Variants in DAAM1 observed in about 807,000 individuals in gnomAD.
The protein encoded by DAAM1 is disheveled-associated activator of morphogenesis 1.
In DAAM1, 52 loss-of-function variants were observed where a neutral mutation model predicts 130.0. That is an observed-to-expected ratio of 0.40 (90% CI 0.32 to 0.50). The LOEUF (loss-of-function observed/expected upper bound fraction) is 0.50, where lower values mean the gene tolerates loss of function less well. Ranked by LOEUF, DAAM1 falls within the 20% of genes least tolerant of loss-of-function variation. The pLI is 0.61. For synonymous variants in DAAM1, 452 were observed against 444.5 expected (o/e 1.02, Z -0.21); for missense variants, 1,134 against 1,303.8 (o/e 0.87, Z 2.01).
At chr14:59,337,623 G>A (rs946185078) in intron 15 of DAAM1, among the ~76,000 whole-genome samples, 3 of 152,144 alleles carry the variant, frequency 2.0e-5, no homozygotes, top group Non-Finnish European at 2.9e-5. Context: ...CCTCTTCCTC[G>A]TTCCCTTTTT....
At chr14:59,316,352 A>C (rs1454819203) in intron 4 of DAAM1, among the ~76,000 whole-genome samples, 1 of 152,240 alleles carries the variant, frequency 6.6e-6, no homozygotes, top group Non-Finnish European at 1.5e-5. Context: ...AAAACTGATT[A>C]GAATATGTGA....
intron 1 of DAAM1, among the ~76,000 whole-genome samples, chr14:59,232,676 T>C (rs1431998464): frequency 6.6e-6 from 1 of 151,846 alleles, no homozygotes; most frequent in African/African-American, 2.4e-5. Flanking sequence ...GTGCAGAATG[T>C]GCAGGTTTGT....
At chr14:59,252,459 C>CT (rs1157079224) in intron 1 of DAAM1, among the ~76,000 whole-genome samples, 1 of 152,074 alleles carries the variant, frequency 6.6e-6, no homozygotes, top group Non-Finnish European at 1.5e-5. Flanking sequence ...TACAGGAAAG[C>CT]TTTTTTAAAA....
chr14:59,282,044 G>T (rs2139544966), intron 2 of DAAM1, among the ~76,000 whole-genome samples: 1 of 152,220 alleles, frequency 6.6e-6, no homozygotes, highest in East Asian at 1.9e-4. Context: ...GCTGTTCATT[G>T]TCTGCAGTGC....
Position 59,326,632 on chromosome 14 carries a change from A to G in DAAM1, c.1297A>G (p.Lys433Glu). The G allele has an allele frequency of 6.2e-7, 1 of 1,612,850 alleles. No homozygotes were observed. Among genetic ancestry groups the G allele is most frequent in the Non-Finnish European group, 8.5e-7 (1 of 1,179,674 alleles). Residue 433 changes from lysine to glutamate, a missense_variant, in exon 11 of 25, where the codon AAG (lysine) becomes GAG (glutamate). Lys to Glu is a moderately conservative substitution (Grantham distance 56). Around this residue, in one of 3 missense-constraint regions of DAAM1, gnomAD observed 391 missense variants for 521.6 expected, o/e 0.75. Coordinates refer to ENST00000360909, the MANE Select transcript of DAAM1 (RefSeq NM_001270520.2). ...DSTPLENFNI[K>E]NVVRMLVNEN... The stretch of plus-strand genomic sequence containing the variant: ...CACACCTTTGGAAAACTTTAATATT[A>G]AGAATGTCGTACGAATGTAAGTCTC...
intron 1 of DAAM1, among the ~76,000 whole-genome samples, chr14:59,210,485 AAATAT>A (rs1215751622): frequency 1.3e-5 from 2 of 151,240 alleles, no homozygotes; most frequent in African/African-American, 2.4e-5. Context: ...CACTTTTCAT[AAATAT>A]AATAAGCAGT....
chr14:59,304,191 A>G (rs916080374), intron 3 of DAAM1, among the ~76,000 whole-genome samples: 1 of 152,242 alleles, frequency 6.6e-6, no homozygotes, highest in African/African-American at 2.4e-5. Context: ...TATGAAAGAC[A>G]TCAATATGGA....
At chr14:59,218,714 G>C (rs1468223205) in intron 1 of DAAM1, among the ~76,000 whole-genome samples, 1 of 152,102 alleles carries the variant, frequency 6.6e-6, no homozygotes, top group African/African-American at 2.4e-5. Context: ...TTTGTCCTTT[G>C]GGGGAGCTAG....
chr14:59,269,385 A>C (rs1327509290), intron 2 of DAAM1, among the ~76,000 whole-genome samples: 1 of 152,200 alleles, frequency 6.6e-6, no homozygotes, highest in Non-Finnish European at 1.5e-5. Context: ...TTGAGAAAAC[A>C]CATTGTGTTT....
chr14:59,363,810 T>G (rs139950144), intron 23 of DAAM1, 28 bp downstream of exon 23: 1 of 1,611,608 alleles, frequency 6.2e-7, no homozygotes, highest in Non-Finnish European at 8.5e-7. Context: ...GCACTGAGTG[T>G]TGTTTGACCG....
chr14:59,209,889 G>C (rs1738289512), intron 1 of DAAM1, among the ~76,000 whole-genome samples: 1 of 152,096 alleles, frequency 6.6e-6, no homozygotes, highest in African/African-American at 2.4e-5. Context: ...GGCCAAGGCA[G>C]GAGGATCACT....
intron 23 of DAAM1, among the ~76,000 whole-genome samples, chr14:59,364,994 G>A (rs1458567960): frequency 6.6e-6 from 1 of 152,136 alleles, no homozygotes; most frequent in East Asian, 1.9e-4. Context: ...GACTCCCCCT[G>A]TTCTGATATC....
At chr14:59,274,372 T>C (rs747499985) in intron 2 of DAAM1, among the ~76,000 whole-genome samples, 4 of 149,478 alleles carry the variant, frequency 2.7e-5, no homozygotes, top group Non-Finnish European at 4.5e-5. Context: ...TTTTCTTCGA[T>C]GTAGAAGGAA....
intron 3 of DAAM1, among the ~76,000 whole-genome samples, chr14:59,294,013 G>C (rs896170659): frequency 2.6e-5 from 4 of 152,138 alleles, no homozygotes; most frequent in African/African-American, 9.7e-5. Context: ...CATTTCTCAG[G>C]CTGGAGGAAA....
chr14:59,206,527 G>A (rs1194735755), intron 1 of DAAM1, among the ~76,000 whole-genome samples: 1 of 152,174 alleles, frequency 6.6e-6, no homozygotes, highest in Admixed American at 6.5e-5. Flanking sequence ...TGCCTGCTGC[G>A]GCCTCCCAAA....
At chr14:59,202,832 A>G (rs1304973513) in intron 1 of DAAM1, among the ~76,000 whole-genome samples, 1 of 152,136 alleles carries the variant, frequency 6.6e-6, no homozygotes, top group African/African-American at 2.4e-5. Context: ...AGTTTTTAAG[A>G]TATTTGTTAT....
chr14:59,225,019 GTTTTTTTTTTTT>G (rs869233694), intron 1 of DAAM1, among the ~76,000 whole-genome samples: 7 of 90,784 alleles, frequency 7.7e-5, no homozygotes, highest in African/African-American at 2.8e-4. Context: ...ATCTGTGTGG[GTTTTTTTTTTTT>G]TTTTTTTTTT....
At chr14:59,275,206 A>T (rs1409749491) in intron 2 of DAAM1, among the ~76,000 whole-genome samples, 1 of 152,168 alleles carries the variant, frequency 6.6e-6, no homozygotes, top group African/African-American at 2.4e-5. Flanking sequence ...ATCCCCGGAG[A>T]TGAAGTACTT....
chr14:59,295,508 C>T (rs936127065), intron 3 of DAAM1, among the ~76,000 whole-genome samples: 4 of 152,182 alleles, frequency 2.6e-5, no homozygotes, highest in East Asian at 1.9e-4. Flanking sequence ...AAAAGAAATT[C>T]GTCCACCACA....
Sources: gnomAD v4.1 joint callset for allele counts (sites outside exome capture counted in the v4.1 genomes callset) on GRCh38, gnomAD v4.1.1 for gene constraint, gnomAD v4.1.1 regional missense constraint, MANE v1.5 for transcripts, NCBI Gene and HGNC (gene_info 2026-07-23, HGNC 2026-07-21) for gene names.